Variants in SGCE observed in about 807,000 individuals in gnomAD.
SGCE encodes epsilon-sarcoglycan.
In SGCE, 26 loss-of-function variants were observed where a neutral mutation model predicts 57.8. The ratio of observed to expected loss-of-function variants is 0.45; its 90% CI spans 0.33 to 0.62. The LOEUF is 0.62. Among genes scored for constraint, SGCE ranks in the 20% least tolerant of loss-of-function variants. The pLI is 0.02. For missense variants in SGCE, 468 were observed against 548.6 expected (o/e 0.85, Z 1.47); for synonymous variants, 183 against 189.5 (o/e 0.97, Z 0.28).
Position 94,585,439 on chromosome 7 carries a change from T to G in SGCE, c.*60A>C. 6.7e-7 allele frequency: 1 copy of G among 1,498,184 alleles called. No homozygotes were observed. Among genetic ancestry groups the G allele is most frequent in the Non-Finnish European group, 9.3e-7 (1 of 1,074,908 alleles). The allele number at this position is 1,498,184 out of a possible 1,614,324, so 92.8% of individuals were successfully genotyped here. ...ATGCATTATTGGAAGAGAAAAGAAA[T>G]GTGATGTAACTGCTATATTGTCTGA... is the stretch of plus-strand genomic sequence containing the variant. On this transcript the variant is annotated 3_prime_UTR_variant, in exon 11 of 11. Transcript: ENST00000648936.
At chr7:94,644,761 T>C (rs1806835366) in intron 1 of SGCE, 1 of 420,980 alleles carries the variant, frequency 2.4e-6, no homozygotes, top group Non-Finnish European at 4.4e-6. Context: ...CCCATCCAAG[T>C]TGTTACGCTG....
intron 9 of SGCE, chr7:94,597,482 A>G (rs914254113): frequency 1.3e-5 from 2 of 152,176 alleles, no homozygotes; most frequent in African/African-American, 4.8e-5. Context: ...AAATGTACCC[A>G]GCAGAGTTCC....
chr7:94,651,455 C>T (rs530811889), intron 1 of SGCE, among the ~76,000 whole-genome samples: 16 of 152,278 alleles, frequency 1.1e-4, no homozygotes, highest in Middle Eastern at 3.4e-3. Context: ...TACACCTCGC[C>T]GGTGCTGGTT....
intron 5 of SGCE, among the ~76,000 whole-genome samples, chr7:94,614,125 A>C (rs1306319486): frequency 6.6e-6 from 1 of 151,422 alleles, no homozygotes; most frequent in Non-Finnish European, 1.5e-5. Context: ...AAAAAAAAAA[A>C]AAAAACACAG....
intron 5 of SGCE, among the ~76,000 whole-genome samples, chr7:94,616,193 G>A (rs974133366): frequency 1.4e-4 from 22 of 152,174 alleles, no homozygotes; most frequent in African/African-American, 5.1e-4. Flanking sequence ...ACTTCAGGCA[G>A]TAGAACGGTA....
chr7:94,647,024 A>C (rs1416159572), intron 1 of SGCE, among the ~76,000 whole-genome samples: 1 of 152,202 alleles, frequency 6.6e-6, no homozygotes, highest in Non-Finnish European at 1.5e-5. Context: ...ACACAAAAAC[A>C]CATACCGTGC....
intron 7 of SGCE, 131 bp downstream of exon 7, chr7:94,600,515 C>T (rs1799039164): frequency 2.9e-6 from 2 of 679,812 alleles, no homozygotes; most frequent in Non-Finnish European, 5.2e-6. Flanking sequence ...TAAAGTATTG[C>T]AGTTTGGACA....
chr7:94,634,605 G>T (rs1348969030), intron 1 of SGCE, among the ~76,000 whole-genome samples: 1 of 152,148 alleles, frequency 6.6e-6, no homozygotes, highest in Non-Finnish European at 1.5e-5. Context: ...ATGAGGCAGG[G>T]TTGCACATTG....
Position 94,618,931 on chromosome 7 carries a change from T to C in SGCE, c.489A>G (p.Glu163=). ...CTACATTCATATTCTTAATGAAGAA[T>C]TCTGCTTGATATGGCAACGGGAAGT... ...AEDFPLPYQA[E]FFIKNMNVEE... The change falls in exon 5 of 11, where the codon GAA becomes GAG. Residue 163 remains glutamate, a synonymous_variant. Transcript: ENST00000648936. 1 of 1,613,680 alleles carries C rather than the reference T, an allele frequency of 6.2e-7. No individual in the cohort carries two copies. Among genetic ancestry groups the C allele is most frequent in the South Asian group, 1.1e-5 (1 of 91,086 alleles).
chr7:94,593,645 C>G (rs577228609), intron 9 of SGCE, among the ~76,000 whole-genome samples: 1 of 152,086 alleles, frequency 6.6e-6, no homozygotes, highest in East Asian at 1.9e-4. Context: ...ATCTCTCAAC[C>G]TCTCCACACC....
chr7:94,589,805 T>C, intron 9 of SGCE: 1 of 185,940 alleles, frequency 5.4e-6, no homozygotes, highest in Non-Finnish European at 1.1e-5. Flanking sequence ...GGGCTCCCAC[T>C]GATTCTACAT....
intron 10 of SGCE, 32 bp from the exon 11 acceptor site, chr7:94,585,547 G>A: frequency 1.3e-6 from 2 of 1,484,976 alleles, no homozygotes; most frequent in Non-Finnish European, 1.9e-6. Context: ...ATGGGCAGGA[G>A]TTAGTCAGGG....
chr7:94,629,875 G>C (rs1804408224), intron 1 of SGCE, 34 bp from the exon 2 acceptor site: 1 of 1,607,740 alleles, frequency 6.2e-7, no homozygotes, highest in African/African-American at 1.3e-5. Flanking sequence ...GTGACAGAAA[G>C]ACAAATAATG....
intron 6 of SGCE, 112 bp downstream of exon 6, chr7:94,603,178 C>A: frequency 1.3e-6 from 1 of 772,444 alleles, no homozygotes; most frequent in Non-Finnish European, 2.2e-6. Context: ...AAGTCAACTG[C>A]AGTTAAAGTA....
chr7:94,642,056 A>T lies in SGCE; in HGVS notation c.110-12215T>A, dbSNP rs574905121. ...ATTACATATCCATAATTAAAATTTT[A>T]AAAAGTTGTTAAACCCAGGTTATTA... On this transcript the variant is annotated intron_variant, in intron 1 of 10. Coordinates refer to ENST00000648936, the MANE Select transcript of SGCE (RefSeq NM_003919.3). 2.0e-5 allele frequency among the ~76,000 whole-genome samples: 3 copies of T among 152,284 alleles called. No individual in the cohort carries two copies. The South Asian group carries it at 6.2e-4, about 32-fold the overall frequency.
intron 9 of SGCE, among the ~76,000 whole-genome samples, chr7:94,594,927 A>G (rs1314427257): frequency 6.6e-6 from 1 of 152,114 alleles, no homozygotes; most frequent in Non-Finnish European, 1.5e-5. Context: ...GGCATGTGCT[A>G]CATCTCCAGG....
chr7:94,586,285 A>G (rs1285567318), intron 10 of SGCE, among the ~76,000 whole-genome samples: 1 of 152,128 alleles, frequency 6.6e-6, no homozygotes, highest in Non-Finnish European at 1.5e-5. Flanking sequence ...AGCTGCCTCT[A>G]TGCAGTATTA....
chr7:94,603,992 T>C (rs1318921952), intron 5 of SGCE, among the ~76,000 whole-genome samples: 1 of 152,166 alleles, frequency 6.6e-6, no homozygotes, highest in African/African-American at 2.4e-5. Flanking sequence ...AACCCCTATA[T>C]GCTTGGTCTC....
chr7:94,628,702 C>T (rs886533506), intron 2 of SGCE: 23 of 246,156 alleles, frequency 9.3e-5, no homozygotes, highest in Non-Finnish European at 1.7e-4. Context: ...CATTCTTTTG[C>T]GAAATATTCC....
Sources: gnomAD v4.1 joint callset for allele counts (sites outside exome capture counted in the v4.1 genomes callset) on GRCh38, gnomAD v4.1.1 for gene constraint, MANE v1.5 for transcripts, NCBI Gene and HGNC (gene_info 2026-07-23, HGNC 2026-07-21) for gene names.